Variants in THSD7A observed in about 807,000 individuals in gnomAD.
The protein encoded by THSD7A is thrombospondin type 1 domain containing 7A.
THSD7A carries 96 observed loss-of-function variants against 231.3 expected under a neutral mutation model. The observed-to-expected ratio is 0.41, with a 90% CI of 0.35 to 0.49. The LOEUF (loss-of-function observed/expected upper bound fraction) is 0.49, where lower values mean the gene tolerates loss of function less well. Ranked by LOEUF, THSD7A falls within the 20% of genes least tolerant of loss-of-function variation. The pLI, the probability that THSD7A is intolerant of heterozygous loss-of-function variation, is 0.05. For missense variants in THSD7A, 2,290 were observed against 2,070.2 expected, an observed-to-expected ratio of 1.11 and a Z score of -2.06; for synonymous variants, 940 against 743.3, an observed-to-expected ratio of 1.26 and a Z score of -4.30.
At chr7:11,552,940 C>T (rs1445740420) in intron 4 of THSD7A, among the ~76,000 whole-genome samples, 1 of 152,130 alleles carries the variant, frequency 6.6e-6, no homozygotes, top group Non-Finnish European at 1.5e-5. Flanking sequence ...ATCCCCCTCC[C>T]TCGGGTCTTT....
At chr7:11,589,630 C>A (rs1415061211) in intron 4 of THSD7A, among the ~76,000 whole-genome samples, 2 of 152,126 alleles carry the variant, frequency 1.3e-5, no homozygotes, top group Non-Finnish European at 2.9e-5. Context: ...CTCTCTTAAA[C>A]AAATTGTATA....
chr7:11,759,199 A>G (rs1222722197), intron 1 of THSD7A, among the ~76,000 whole-genome samples: 1 of 152,124 alleles, frequency 6.6e-6, no homozygotes, highest in Non-Finnish European at 1.5e-5. Flanking sequence ...AAAACAGCAG[A>G]ATTATACAAC....
chr7:11,599,716 T>C (rs1470358886), intron 2 of THSD7A, among the ~76,000 whole-genome samples: 1 of 152,164 alleles, frequency 6.6e-6, no homozygotes, highest in East Asian at 1.9e-4. Context: ...TGGGTTCAAG[T>C]TGACAAGGGG....
At chr7:11,404,042 G>T (rs922342136) in intron 22 of THSD7A, among the ~76,000 whole-genome samples, 1 of 152,036 alleles carries the variant, frequency 6.6e-6, no homozygotes, top group Non-Finnish European at 1.5e-5. Context: ...CAGCCTCCTA[G>T]ATTTGCAATT....
intron 4 of THSD7A, among the ~76,000 whole-genome samples, chr7:11,544,253 A>C (rs762789767): frequency 9.2e-5 from 14 of 152,134 alleles, no homozygotes; most frequent in Non-Finnish European, 1.8e-4. Context: ...GAGGCAAGAG[A>C]ATCACTTGAA....
At chr7:11,421,004 C>T (rs1224372396) in intron 16 of THSD7A, among the ~76,000 whole-genome samples, 6 of 152,162 alleles carry the variant, frequency 3.9e-5, no homozygotes, top group Non-Finnish European at 8.8e-5. Context: ...AACTAACTTG[C>T]TTTAGATTTT....
intron 4 of THSD7A, among the ~76,000 whole-genome samples, chr7:11,548,227 T>G (rs1451359822): frequency 6.6e-6 from 1 of 152,046 alleles, no homozygotes; most frequent in Non-Finnish European, 1.5e-5. Flanking sequence ...ACTATTATGA[T>G]ACCTCTATGC....
intron 1 of THSD7A, among the ~76,000 whole-genome samples, chr7:11,728,372 G>C (rs1781616052): frequency 6.6e-6 from 1 of 152,018 alleles, no homozygotes; most frequent in Non-Finnish European, 1.5e-5. Context: ...CATTGATAAA[G>C]AGAAGGCAGG....
intron 13 of THSD7A, among the ~76,000 whole-genome samples, chr7:11,443,708 A>G (rs563926083): frequency 6.6e-6 from 1 of 152,150 alleles, no homozygotes; most frequent in East Asian, 1.9e-4. Flanking sequence ...ACTTAACACT[A>G]CTGAACACAC....
intron 1 of THSD7A, among the ~76,000 whole-genome samples, chr7:11,647,651 C>T (rs774261691): frequency 2.6e-5 from 4 of 152,144 alleles, no homozygotes; most frequent in Middle Eastern, 3.4e-3. Context: ...AGAAACCAGG[C>T]ATCTGCAAGT....
intron 18 of THSD7A, among the ~76,000 whole-genome samples, chr7:11,412,091 C>CTAGAG (rs1235926155): frequency 6.6e-6 from 1 of 152,100 alleles, no homozygotes; most frequent in East Asian, 1.9e-4. Flanking sequence ...ATTTTCTTTC[C>CTAGAG]TAGAGTATGC....
intron 1 of THSD7A, among the ~76,000 whole-genome samples, chr7:11,744,028 C>T (rs1782194770): frequency 2.0e-5 from 3 of 151,848 alleles, no homozygotes; most frequent in South Asian, 2.1e-4. Context: ...TCTTCTGATG[C>T]CATATAGCAA....
At chr7:11,431,405 C>CTT (rs962714163) in intron 13 of THSD7A, among the ~76,000 whole-genome samples, 2 of 152,086 alleles carry the variant, frequency 1.3e-5, no homozygotes, top group Non-Finnish European at 2.9e-5. Flanking sequence ...CAACTTCATT[C>CTT]TTTTGCATGT....
chr7:11,390,225 A>ACTTTCAGGTACAACAATCAAAG (rs1782927617), intron 23 of THSD7A, among the ~76,000 whole-genome samples: 1 of 152,194 alleles, frequency 6.6e-6, no homozygotes, highest in Non-Finnish European at 1.5e-5. Flanking sequence ...TCTCCCCATC[A>ACTTTCAGGTACAACAATCAAAG]CTTTCAGGTA....
At chr7:11,789,607 G>T (rs1783889320) in intron 1 of THSD7A, among the ~76,000 whole-genome samples, 1 of 150,180 alleles carries the variant, frequency 6.7e-6, no homozygotes, top group African/African-American at 2.5e-5. Flanking sequence ...GAGATCTACT[G>T]TCTTAATACA....
chr7:11,668,092 T>C (rs1306884226), intron 1 of THSD7A, among the ~76,000 whole-genome samples: 4 of 151,834 alleles, frequency 2.6e-5, no homozygotes, highest in Non-Finnish European at 5.9e-5. Context: ...TTAAGCCTAG[T>C]GGAGTGCTCT....
chr7:11,697,907 C>T (rs938007316), intron 1 of THSD7A, among the ~76,000 whole-genome samples: 17 of 151,394 alleles, frequency 1.1e-4, no homozygotes, highest in African/African-American at 4.1e-4. Flanking sequence ...TAAATAGGCA[C>T]TGTACATTGC....
intron 23 of THSD7A, among the ~76,000 whole-genome samples, chr7:11,397,158 A>C (rs1380345747): frequency 2.0e-5 from 3 of 151,992 alleles, no homozygotes; most frequent in Non-Finnish European, 4.4e-5. Context: ...ATTTATGTCA[A>C]ACCCACAGCC....
intron 4 of THSD7A, among the ~76,000 whole-genome samples, chr7:11,553,563 C>A (rs1472997776): frequency 6.6e-6 from 1 of 152,020 alleles, no homozygotes; most frequent in African/African-American, 2.4e-5. Context: ...GGTTCTTCAG[C>A]CAATACAAAC....
Sources: gnomAD v4.1 joint callset for allele counts (sites outside exome capture counted in the v4.1 genomes callset) on GRCh38, gnomAD v4.1.1 for gene constraint, MANE v1.5 for transcripts, NCBI Gene and HGNC (gene_info 2026-07-23, HGNC 2026-07-21) for gene names.